ADSL: variants seen among roughly 807,000 people sequenced by gnomAD.
ADSL encodes the protein adenylosuccinate lyase.
Under a neutral mutation model 62.1 loss-of-function variants are expected in ADSL, and 44 were observed. The ratio of observed to expected loss-of-function variants is 0.71; its 90% CI spans 0.56 to 0.91. The LOEUF is 0.91. Among genes scored for constraint, ADSL ranks in the 40% least tolerant of loss-of-function variants. The probability of loss-of-function intolerance (pLI) is 0.00; values close to 1 mark genes in which losing one functional copy is unlikely to be tolerated. For missense variants in ADSL, 531 were observed against 627.4 expected, an observed-to-expected ratio of 0.85 and a Z score of 1.64; for synonymous variants, 198 against 220.5, an observed-to-expected ratio of 0.90 and a Z score of 0.90.
chr22:40,366,763 A>C lies in ADSL; in HGVS notation c.*241A>C. On this transcript the variant is annotated 3_prime_UTR_variant, in exon 13 of 13. Coordinates refer to ENST00000623063, the MANE Select transcript of ADSL (RefSeq NM_000026.4). ...TTCATACTTGATCTCTGTTCTTTCA[A>C]GGCATATTTTCCAGCTGCCTCAAGT... 2.2e-6 allele frequency: 1 copy of C among 463,446 alleles called. No homozygotes were observed. Among genetic ancestry groups the C allele is most frequent in the Non-Finnish European group, 4.0e-6 (1 of 251,846 alleles). 28.7% of individuals were successfully genotyped at this position (463,446 alleles called of 1,614,324 possible).
intron 4 of ADSL, among the ~76,000 whole-genome samples, chr22:40,355,803 C>G (rs2735663): frequency 1.3e-5 from 2 of 152,204 alleles, no homozygotes; most frequent in African/African-American, 2.4e-5. Context: ...ATGGACATTC[C>G]TAGTGTTACG....
intron 2 of ADSL, among the ~76,000 whole-genome samples, chr22:40,352,279 G>A (rs1601558934): frequency 6.6e-6 from 1 of 152,120 alleles, no homozygotes; most frequent in East Asian, 1.9e-4. Flanking sequence ...TGTAATCCCA[G>A]CACTTTGGGA....
At chr22:40,385,542 C>T (rs778531442) in intron 2 of ADSL, among the ~76,000 whole-genome samples, 4 of 151,912 alleles carry the variant, frequency 2.6e-5, no homozygotes, top group Non-Finnish European at 4.4e-5. Context: ...TCTGAGAGGG[C>T]GGGCAGAAAG....
intron 2 of ADSL, chr22:40,387,340 C>A: frequency 2.5e-6 from 1 of 396,086 alleles, no homozygotes; most frequent in South Asian, 1.3e-4. Context: ...TAGGTATGTT[C>A]ATATCTGCAA....
intron 10 of ADSL, among the ~76,000 whole-genome samples, chr22:40,363,613 G>A (rs1191257428): frequency 2.0e-5 from 3 of 151,980 alleles, no homozygotes; most frequent in Admixed American, 1.3e-4. Flanking sequence ...GCGGGTGCCT[G>A]TAATCCGAGC....
chr22:40,374,103 C>T (rs9607710), downstream of ADSL, among the ~76,000 whole-genome samples: 38 of 152,158 alleles, frequency 2.5e-4, no homozygotes, highest in Non-Finnish European at 5.3e-4. Flanking sequence ...CAGGCGCCTG[C>T]CACCATGCCC....
intron 10 of ADSL, 43 bp from the exon 11 acceptor site, chr22:40,364,233 T>C: frequency 1.3e-6 from 2 of 1,568,150 alleles, no homozygotes; most frequent in Non-Finnish European, 1.8e-6. Context: ...GACTTTAACC[T>C]TGAGGCACCT....
chr22:40,385,060 A>G (rs77662200), intron 2 of ADSL, among the ~76,000 whole-genome samples: 5,718 of 152,304 alleles, frequency 0.038, 299 homozygotes, highest in African/African-American at 0.12. Context: ...AGAAGAAAAA[A>G]CAATATGGTC....
chr22:40,362,567 GA>G (rs2044831352), intron 9 of ADSL, among the ~76,000 whole-genome samples: 1 of 152,202 alleles, frequency 6.6e-6, no homozygotes, highest in South Asian at 2.1e-4. Flanking sequence ...TATAGATCCA[GA>G]GTCGAAGGCA....
chr22:40,376,375 A>G (rs188710287), intron 2 of ADSL: 16 of 151,802 alleles, frequency 1.1e-4, no homozygotes, highest in Admixed American at 1.0e-3. Flanking sequence ...TGAAACCTCA[A>G]ACTCCTGGGC....
intron 1 of ADSL, chr22:40,348,428 G>GGCT: frequency 2.5e-6 from 1 of 398,442 alleles, no homozygotes; most frequent in Non-Finnish European, 4.4e-6. Flanking sequence ...CTGTCGCCTA[G>GGCT]GCTGGAGTGC....
rs2045061940 is a variant in ADSL at position 40,368,440 on chromosome 22, C to T, written c.*1918C>T. 1 of 151,844 alleles carries T rather than the reference C, an allele frequency of 6.6e-6. No homozygotes were observed. The highest frequency in any genetic ancestry group is 2.1e-4 in the South Asian group (1 of 4,818). The allele number at this position is 151,844 out of a possible 1,614,324, so 9.4% of individuals were successfully genotyped here. ...GGTCACTTGAGCCCAAGAGTTTAGT[C>T]CAGGCTGGGTGACAGCGAGCCCTTG... On this transcript the variant is annotated 3_prime_UTR_variant, in exon 13 of 13. Transcript: ENST00000623063.
At chr22:40,357,928 C>T (rs891702957) in intron 4 of ADSL, among the ~76,000 whole-genome samples, 6 of 152,000 alleles carry the variant, frequency 3.9e-5, no homozygotes, top group African/African-American at 1.4e-4. Flanking sequence ...CCCGCCACCA[C>T]GCCCAGTTAA....
rs889740182 is a variant in ADSL at position 40,360,779 on chromosome 22, A to G, written c.792+287A>G. Among the ~76,000 whole-genome samples, 46 of 151,268 alleles carry G rather than the reference A, an allele frequency of 3.0e-4. 1 individual carries two copies. The highest frequency in any genetic ancestry group is 1.1e-3 in the African/African-American group (44 of 41,054). ...CTCTTGTTGCCCAGGCTGGAGTGCA[A>G]TGGTATGATCTCGGCTCACTGCAAC... On this transcript the variant is annotated intron_variant, in intron 7 of 12. Transcript: ENST00000623063.
At chr22:40,384,595 A>T (rs1458620382) in intron 2 of ADSL, among the ~76,000 whole-genome samples, 2 of 152,156 alleles carry the variant, frequency 1.3e-5, no homozygotes, top group Non-Finnish European at 2.9e-5. Flanking sequence ...CCTGGCTAAC[A>T]CGGTGAAACC....
At chr22:40,385,779 G>A (rs1288535541) in intron 2 of ADSL, among the ~76,000 whole-genome samples, 2 of 152,204 alleles carry the variant, frequency 1.3e-5, no homozygotes, top group East Asian at 1.9e-4. Flanking sequence ...CTGAGCAACC[G>A]TGAAGATAAA....
rs183675350 is a variant in ADSL, at chr22:40,358,215, A to G, written c.483-649A>G. On this transcript the variant is annotated intron_variant, in intron 4 of 12. Transcript: ENST00000623063. ...GATACTTGGCAAATATTACACGAGTATCTAATGTATTTCTTACCAATGTCT... is the reference window on the plus strand; with the variant it reads ...GATACTTGGCAAATATTACACGAGTGTCTAATGTATTTCTTACCAATGTCT... 2.6e-5 allele frequency among the ~76,000 whole-genome samples: 4 copies of G among 152,356 alleles called. No homozygotes were observed. The East Asian group carries it at 5.8e-4, about 22-fold the overall frequency.
chr22:40,368,631 A>G lies in ADSL; in HGVS notation c.*2109A>G, dbSNP rs1367964380. The G allele has an allele frequency of 6.6e-6, 1 of 152,232 alleles. No individual in the cohort carries two copies. Among genetic ancestry groups the G allele is most frequent in the Non-Finnish European group, 1.5e-5 (1 of 68,070 alleles). The allele number at this position is 152,232 out of a possible 1,614,324, so 9.4% of individuals were successfully genotyped here. A position where few individuals can be genotyped will look rare whatever the true frequency, so the allele number is the denominator to read the frequency against. ...GAGTTACTCTGTTCATCTCTAAAAA[A>G]TCTTGAAAAGGGCCGGGTGCGGTGG... is the stretch of plus-strand genomic sequence containing the variant. On this transcript the variant is annotated 3_prime_UTR_variant, in exon 13 of 13. Coordinates refer to ENST00000623063, the MANE Select transcript of ADSL (RefSeq NM_000026.4).
intron 1 of ADSL, chr22:40,348,314 TCTG>T (rs779593513): frequency 1.3e-5 from 5 of 397,440 alleles, no homozygotes; most frequent in Non-Finnish European, 2.2e-5. Flanking sequence ...TCCAGGCAGT[TCTG>T]CCACATGTGG....
Sources: allele counts gnomAD v4.1 joint callset (sites outside exome capture counted in the v4.1 genomes callset), GRCh38; gene constraint gnomAD v4.1.1; transcripts MANE v1.5; gene names NCBI Gene and HGNC (gene_info 2026-07-23, HGNC 2026-07-21).